The following RAP1B variants were observed in gnomAD, a reference collection of about 807,000 sequenced individuals.
RAP1B encodes RAP1B, member of RAS oncogene family, also known as ras-related protein Rap-1b.
RAP1B carries 1 observed loss-of-function variant against 27.5 expected under a neutral mutation model. The ratio of observed to expected loss-of-function variants is 0.04; its 90% CI spans 0.01 to 0.17. The LOEUF is 0.17. RAP1B is among the 10% of genes least tolerant of loss of function. RAP1B has a pLI of 1.00. For missense variants in RAP1B, 84 were observed against 214.8 expected (o/e 0.39, Z 3.81); for synonymous variants, 75 against 73.1 (o/e 1.03, Z -0.13).
At chr12:68,612,000 C>T (rs557305487) in intron 1 of RAP1B, among the ~76,000 whole-genome samples, 1 of 152,170 alleles carries the variant, frequency 6.6e-6, no homozygotes, top group Non-Finnish European at 1.5e-5. Context: ...TCCCCCCTCT[C>T]CCACTCTCTT....
At chr12:68,647,651 G>A (rs896276079) in intron 1 of RAP1B, among the ~76,000 whole-genome samples, 15 of 150,836 alleles carry the variant, frequency 9.9e-5, no homozygotes, top group Non-Finnish European at 1.9e-4. Flanking sequence ...AAGTTCCATG[G>A]TTGGCAAACT....
At chr12:68,656,175 A>G (rs1032811099) in intron 5 of RAP1B, 131 bp from the exon 6 acceptor site, 31 of 789,578 alleles carry the variant, frequency 3.9e-5, no homozygotes, top group Non-Finnish European at 5.9e-5. Context: ...TGTAAATTTT[A>G]TTATACATTA....
chr12:68,613,081 G>A (rs774572747), intron 1 of RAP1B, among the ~76,000 whole-genome samples: 2 of 152,188 alleles, frequency 1.3e-5, no homozygotes, highest in East Asian at 3.9e-4. Flanking sequence ...CTGGCTGGGC[G>A]TGGTGGTTTA....
At chr12:68,620,457 A>G (rs949243317) in intron 1 of RAP1B, among the ~76,000 whole-genome samples, 8 of 151,986 alleles carry the variant, frequency 5.3e-5, no homozygotes, top group African/African-American at 1.9e-4. Flanking sequence ...TCCTGACCTC[A>G]GGTGATCCGC....
chr12:68,663,022 T>C lies in RAP1B; in HGVS notation c.*3773T>C, dbSNP rs1874685230. 6.6e-6 allele frequency: 1 copy of C among 152,088 alleles called. No individual in the cohort carries two copies. Among genetic ancestry groups the C allele is most frequent in the Admixed American group, 6.6e-5 (1 of 15,262 alleles). The allele number at this position is 152,088 out of a possible 1,614,324, so 9.4% of individuals were successfully genotyped here. On this transcript the variant is annotated 3_prime_UTR_variant, in exon 8 of 8. Transcript: ENST00000250559. ...AAAAGATAAATAAGTCTGTTCTATT[T>C]GTTACAGTGCATCAACACATTTGAA...
intron 1 of RAP1B, among the ~76,000 whole-genome samples, chr12:68,629,751 G>A (rs1168638710): frequency 1.3e-5 from 2 of 152,124 alleles, no homozygotes; most frequent in East Asian, 3.9e-4. Context: ...TAGAGGTATT[G>A]AATGAATGTT....
At position 68,620,807 on chromosome 12, in the gene RAP1B, C is replaced by G. The variant is rs535868078; in HGVS notation, c.-27+9764C>G. 2.0e-5 allele frequency among the ~76,000 whole-genome samples: 3 copies of G among 152,164 alleles called. No homozygotes were observed. In the South Asian group the frequency reaches 6.2e-4, roughly 32 times the overall value. ...TTTGCCATGTTGCCCAGGCTGGTGT[C>G]AAACTCCTTGGCCTAATCGGTTCTT... On this transcript the variant is annotated intron_variant, in intron 1 of 7. Transcript: ENST00000250559.
chr12:68,632,799 G>A (rs902455260), intron 1 of RAP1B, among the ~76,000 whole-genome samples: 91 of 152,246 alleles, frequency 6.0e-4, no homozygotes, highest in African/African-American at 2.2e-3. Context: ...AGATAAAGAG[G>A]AAATGGGAGC....
intron 1 of RAP1B, among the ~76,000 whole-genome samples, chr12:68,647,079 A>G (rs1001863117): frequency 6.6e-6 from 1 of 152,162 alleles, no homozygotes; most frequent in Admixed American, 6.5e-5. Context: ...TTGAGACAGA[A>G]TCTCACTGTG....
At chr12:68,658,753 G>C (rs893845452) in intron 7 of RAP1B, among the ~76,000 whole-genome samples, 1 of 152,086 alleles carries the variant, frequency 6.6e-6, no homozygotes, top group African/African-American at 2.4e-5. Context: ...AATTCTATTT[G>C]TCTGCTCTGA....
In RAP1B at chr12:68,669,280, GAAGAT is replaced by G. The variant is rs1179279362; in HGVS notation, c.*10034_*10038del. On this transcript the variant is annotated 3_prime_UTR_variant, in exon 8 of 8. Coordinates refer to ENST00000250559, the MANE Select transcript of RAP1B (RefSeq NM_001010942.3). Reference sequence around the variant, plus strand: ...ATCAAGATCTGAACAAATACACTGGGAAGATAATATCATAAAAATATCAATTCCCC... The same window carrying G: ...ATCAAGATCTGAACAAATACACTGGGAATATCATAAAAATATCAATTCCCC... 1.3e-5 allele frequency: 2 copies of G among 152,154 alleles called. No individual in the cohort carries two copies. Among genetic ancestry groups the G allele is most frequent in the Non-Finnish European group, 2.9e-5 (2 of 68,030 alleles). 9.4% of individuals were successfully genotyped at this position (152,154 alleles called of 1,614,324 possible).
chr12:68,629,977 G>A (rs555572343), intron 1 of RAP1B, among the ~76,000 whole-genome samples: 14 of 152,306 alleles, frequency 9.2e-5, no homozygotes, highest in African/African-American at 3.4e-4. Flanking sequence ...ATTTTCAAAT[G>A]TTTTTGGAAT....
At chr12:68,625,526 T>A (rs1197285244) in intron 1 of RAP1B, among the ~76,000 whole-genome samples, 1 of 152,222 alleles carries the variant, frequency 6.6e-6, no homozygotes, top group Non-Finnish European at 1.5e-5. Context: ...ACTGGGGAAT[T>A]TTCCATTAGG....
chr12:68,648,687 TC>T lies in RAP1B; in HGVS notation c.-26-10del. The T allele has an allele frequency of 1.3e-5, 20 of 1,577,960 alleles. No individual in the cohort carries two copies. The highest frequency in any genetic ancestry group is 1.0e-4 in the South Asian group (9 of 87,766). On this transcript the variant is annotated splice_polypyrimidine_tract_variant and intron_variant, in intron 1 of 7. Coordinates refer to ENST00000250559, the MANE Select transcript of RAP1B (RefSeq NM_001010942.3). ...TTACTTAGAATTCTTTTTTTTTTTTTCCTTTAATAAGGTACTAGGTTTTGAC... is the reference window on the plus strand; with the variant it reads ...TTACTTAGAATTCTTTTTTTTTTTTTCTTTAATAAGGTACTAGGTTTTGAC...
intron 1 of RAP1B, chr12:68,641,239 C>T (rs564460186): frequency 6.6e-6 from 1 of 152,312 alleles, no homozygotes; most frequent in African/African-American, 2.4e-5. Context: ...TTGAACTCCT[C>T]CTGAGTTAAA....
chr12:68,635,756 A>G (rs771493736), intron 1 of RAP1B, among the ~76,000 whole-genome samples: 42 of 151,264 alleles, frequency 2.8e-4, no homozygotes, highest in Non-Finnish European at 1.2e-4. Context: ...TGCCTGGCCT[A>G]CTTAGGCCTG....
intron 1 of RAP1B, among the ~76,000 whole-genome samples, chr12:68,639,012 T>G (rs940714102): frequency 1.3e-5 from 2 of 152,206 alleles, no homozygotes; most frequent in African/African-American, 2.4e-5. Context: ...GTCTGGTACA[T>G]GTAACATTAT....
chr12:68,619,738 G>C (rs1317745546), intron 1 of RAP1B, among the ~76,000 whole-genome samples: 1 of 152,090 alleles, frequency 6.6e-6, no homozygotes, highest in African/African-American at 2.4e-5. Context: ...AACAGGAATG[G>C]GAGCCATAGA....
rs1230705604 is a variant in RAP1B, at chr12:68,670,561, C to T, written c.*11312C>T. On this transcript the variant is annotated 3_prime_UTR_variant, in exon 8 of 8. Transcript: ENST00000250559. ...TACAATGGGGTTATGTCCCAATAAG[C>T]CCATCAGAAGTCAAAAATGTAAGTC... The T allele has an allele frequency of 6.6e-6, 1 of 152,092 alleles. No homozygotes were observed. The highest frequency in any genetic ancestry group is 2.4e-5 in the African/African-American group (1 of 41,416). 9.4% of individuals were successfully genotyped at this position (152,092 alleles called of 1,614,324 possible). A position where few individuals can be genotyped will look rare whatever the true frequency, so the allele number is the denominator to read the frequency against.
Sources: allele counts gnomAD v4.1 joint callset (sites outside exome capture counted in the v4.1 genomes callset), GRCh38; gene constraint gnomAD v4.1.1; transcripts MANE v1.5; gene names NCBI Gene and HGNC (gene_info 2026-07-23, HGNC 2026-07-21).